The following CFAP276 variants were observed in gnomAD, a reference collection of about 807,000 sequenced individuals.
The protein encoded by CFAP276 is cilia and flagella associated protein 276, also known as cilia- and flagella-associated protein 276.
the CFAP276 span, among the ~76,000 whole-genome samples, chr1:109,113,420 G>A: frequency 1.8e-4 from 8 of 43,300 alleles, no homozygotes; most frequent in South Asian, 5.2e-3. Flanking sequence ...GAGAGAAAGA[G>A]AGAGAGAGAG....
chr1:109,111,878 G>A, the CFAP276 span, among the ~76,000 whole-genome samples: 2 of 152,178 alleles, frequency 1.3e-5, no homozygotes, highest in Non-Finnish European at 1.5e-5. Flanking sequence ...GTGCTATTGT[G>A]CAAGCATTTT....
chr1:109,113,413 AG>A, the CFAP276 span, among the ~76,000 whole-genome samples: 826 of 113,116 alleles, frequency 7.3e-3, 16 homozygotes, highest in African/African-American at 0.026. Flanking sequence ...AGAGAGAGAG[AG>A]AAAGAGAGAG....
the CFAP276 span, chr1:109,113,696 C>T: frequency 3.1e-6 from 5 of 1,613,954 alleles, no homozygotes; most frequent in East Asian, 1.1e-4. Context: ...TCTCGGTTCA[C>T]ACGCCACGTG....
chr1:109,113,572 CG>C, the CFAP276 span: 1 of 1,563,054 alleles, frequency 6.4e-7, no homozygotes, highest in Non-Finnish European at 8.8e-7. Context: ...TGTAAAAGCA[CG>C]GATGGATTTG....
At chr1:109,113,650 G>A in the CFAP276 span, 3 of 1,613,982 alleles carry the variant, frequency 1.9e-6, no homozygotes, top group African/African-American at 1.3e-5. Context: ...TCTTCCAGGC[G>A]ACGACGTCTG....
At chr1:109,108,043 A>G in the CFAP276 span, 1 of 1,450,226 alleles carries the variant, frequency 6.9e-7, no homozygotes, top group South Asian at 1.1e-5. Flanking sequence ...AATTTCTGCA[A>G]AAGAGAAACC....
the CFAP276 span, chr1:109,106,812 A>G: frequency 8.2e-6 from 8 of 974,712 alleles, no homozygotes; most frequent in Admixed American, 1.4e-4. Context: ...TATACAGATG[A>G]GCACAATCTT....
At chr1:109,112,499 CTTCACCAGAGTCCTTTA>C in the CFAP276 span, 1 of 1,453,860 alleles carries the variant, frequency 6.9e-7, no homozygotes, top group East Asian at 2.6e-5. Flanking sequence ...GACTGAGTGT[CTTCACCAGAGTCCTTTA>C]TGTTACCATC....
the CFAP276 span, among the ~76,000 whole-genome samples, chr1:109,112,007 T>G: frequency 6.6e-6 from 1 of 152,184 alleles, no homozygotes; most frequent in East Asian, 1.9e-4. Flanking sequence ...AAGTATTGAA[T>G]AAATAAAAAG....
At chr1:109,113,618 G>A in the CFAP276 span, 1 of 1,613,650 alleles carries the variant, frequency 6.2e-7, no homozygotes, top group Admixed American at 1.7e-5. Context: ...GGCCTTCGTA[G>A]GAGGGAACAC....
At chr1:109,106,465 C>G in the CFAP276 span, 1 of 1,556,454 alleles carries the variant, frequency 6.4e-7, no homozygotes, top group Non-Finnish European at 8.7e-7. Flanking sequence ...CCTTAAATCC[C>G]TGATTCATGG....
the CFAP276 span, among the ~76,000 whole-genome samples, chr1:109,108,610 G>C: frequency 6.6e-6 from 1 of 152,204 alleles, no homozygotes; most frequent in Non-Finnish European, 1.5e-5. Context: ...AGAGTTGGGA[G>C]CAGATAGGAA....
the CFAP276 span, among the ~76,000 whole-genome samples, chr1:109,113,416 A>AAAGAGAGAGAG: frequency 7.3e-5 from 5 of 68,076 alleles, no homozygotes; most frequent in Non-Finnish European, 1.0e-4. Context: ...GAGAGAGAGA[A>AAAGAGAGAGAG]AGAGAGAGAG....
At chr1:109,113,299 A>C in the CFAP276 span, among the ~76,000 whole-genome samples, 6 of 151,950 alleles carry the variant, frequency 3.9e-5, no homozygotes, top group African/African-American at 1.5e-4. Flanking sequence ...AGGCTAATCC[A>C]GGAGAATCTC....
chr1:109,108,097 G>T, the CFAP276 span: 1 of 1,195,358 alleles, frequency 8.4e-7, no homozygotes, highest in Non-Finnish European at 1.2e-6. Context: ...TGCTGATGTG[G>T]TTAGCTTCAG....
At chr1:109,107,045 C>T in the CFAP276 span, 1 of 1,614,188 alleles carries the variant, frequency 6.2e-7, no homozygotes, top group Non-Finnish European at 8.5e-7. Context: ...TTAACAGTAT[C>T]TCACTTTTGT....
chr1:109,112,855 G>T, the CFAP276 span: 1 of 1,068,770 alleles, frequency 9.4e-7, no homozygotes, highest in African/African-American at 1.6e-5. Context: ...CCTGGCGGCT[G>T]ACCACGGGAG....
chr1:109,113,398 GAGAGAGAGAGAGAGAGAA>G, the CFAP276 span, among the ~76,000 whole-genome samples: 10 of 120,544 alleles, frequency 8.3e-5, no homozygotes, highest in Non-Finnish European at 1.4e-4. Flanking sequence ...GTCTCAGAGA[GAGAGAGAGAGAGAGAGAA>G]AGAGAGAGAG....
At chr1:109,111,297 G>A in the CFAP276 span, among the ~76,000 whole-genome samples, 2 of 151,954 alleles carry the variant, frequency 1.3e-5, no homozygotes, top group Non-Finnish European at 2.9e-5. Context: ...GAAGATCCTG[G>A]TTCTACAAAA....
Sources: gnomAD v4.1 joint callset for allele counts (sites outside exome capture counted in the v4.1 genomes callset) on GRCh38, gnomAD v4.1.1 for gene constraint, MANE v1.5 for transcripts, NCBI Gene and HGNC (gene_info 2026-07-23, HGNC 2026-07-21) for gene names.